PHIP: variants seen among roughly 807,000 people sequenced by gnomAD.
PHIP encodes PHIP subunit of CUL4-Ring ligase complex.
PHIP carries 54 observed loss-of-function variants against 236.8 expected under a neutral mutation model. The ratio of observed to expected loss-of-function variants is 0.23; its 90% CI spans 0.18 to 0.29. PHIP has a LOEUF of 0.29. Ranked by LOEUF, PHIP falls within the 10% of genes least tolerant of loss-of-function variation. PHIP has a pLI of 1.00. For synonymous variants in PHIP, 756 were observed against 718.9 expected, an observed-to-expected ratio of 1.05 and a Z score of -0.83; for missense variants, 1,370 against 2,190.8, an observed-to-expected ratio of 0.63 and a Z score of 7.48.
intron 23 of PHIP, among the ~76,000 whole-genome samples, chr6:78,980,789 A>G (rs1439161817): frequency 6.6e-6 from 1 of 152,044 alleles, no homozygotes; most frequent in Non-Finnish European, 1.5e-5. Flanking sequence ...AGTTTGTTTG[A>G]AAAAGGTTTC....
chr6:79,049,651 A>G (rs907614661), intron 6 of PHIP, among the ~76,000 whole-genome samples: 13 of 152,184 alleles, frequency 8.5e-5, no homozygotes, highest in Non-Finnish European at 1.9e-4. Flanking sequence ...TGAGTAACTT[A>G]AGAGTACATG....
At chr6:79,004,261 A>G in intron 15 of PHIP, 1 of 292,176 alleles carries the variant, frequency 3.4e-6, no homozygotes, top group Non-Finnish European at 5.1e-6. Context: ...GTAGCCAGAG[A>G]TCATTGCTCA....
chr6:78,961,371 C>G (rs1766763982), intron 31 of PHIP, among the ~76,000 whole-genome samples: 1 of 151,774 alleles, frequency 6.6e-6, no homozygotes. Flanking sequence ...AATACCTTGC[C>G]TTGCTTTATA....
At position 79,064,675 on chromosome 6, in the gene PHIP, C is replaced by T. The variant is rs764628227; in HGVS notation, c.190-3857G>A. ...CTTGCTTTCTTCCTCTCCAACCATT[C>T]CTTCTCATTTTTCTTTTAGGCTTAT... is the stretch of plus-strand genomic sequence containing the variant. On this transcript the variant is annotated intron_variant, in intron 4 of 39. Transcript: ENST00000275034. 3.9e-5 allele frequency among the ~76,000 whole-genome samples: 6 copies of T among 152,232 alleles called. No homozygotes were observed. In the Middle Eastern group the frequency reaches 0.01, roughly 259 times the overall value.
intron 15 of PHIP, among the ~76,000 whole-genome samples, chr6:79,005,661 T>C (rs1437893794): frequency 6.6e-6 from 1 of 152,006 alleles, no homozygotes; most frequent in Non-Finnish European, 1.5e-5. Context: ...CTAATAAATG[T>C]TTCCAGAAGT....
At chr6:78,985,263 A>T in intron 22 of PHIP, 89 bp downstream of exon 22, 1 of 744,058 alleles carries the variant, frequency 1.3e-6, no homozygotes. Context: ...GAACTTACAG[A>T]GACTTTGAAA....
chr6:79,026,707 C>T (rs1316643880), intron 7 of PHIP, among the ~76,000 whole-genome samples: 2 of 151,860 alleles, frequency 1.3e-5, no homozygotes, highest in African/African-American at 2.4e-5. Context: ...TACTTGTTTA[C>T]TCTGCCATAG....
Position 79,075,542 on chromosome 6 carries a change from G to C in PHIP, c.189+1906C>G, listed in dbSNP as rs1300280070. On this transcript the variant is annotated intron_variant, in intron 4 of 39. Transcript: ENST00000275034. ...TCTTAAATCTGCGATGCAGACTAGGGATAGAAATTCACTTTACTAATAATT... is the reference window on the plus strand; with the variant it reads ...TCTTAAATCTGCGATGCAGACTAGGCATAGAAATTCACTTTACTAATAATT... Among the ~76,000 whole-genome samples, 3 of 150,930 alleles carry C rather than the reference G, an allele frequency of 2.0e-5. 1 individual carries two copies. The highest frequency in any genetic ancestry group is 2.0e-4 in the Admixed American group (3 of 15,150).
At chr6:78,942,076 A>G (rs539103666) in intron 39 of PHIP, among the ~76,000 whole-genome samples, 29 of 152,298 alleles carry the variant, frequency 1.9e-4, no homozygotes, top group Non-Finnish European at 3.7e-4. Flanking sequence ...ATGGTAGGTG[A>G]TTTGCAATGC....
chr6:78,990,942 T>C lies in PHIP; in HGVS notation c.2245A>G (p.Lys749Glu). 6.2e-7 allele frequency: 1 copy of C among 1,612,040 alleles called. No individual in the cohort carries two copies. Among genetic ancestry groups the C allele is most frequent in the Non-Finnish European group, 8.5e-7 (1 of 1,178,504 alleles). ...CTTTTCTCTTCTGACCTGTAAGTCT[T>C]TATTTCTTCTTCTCCCTTTGCAGTT... is the stretch of plus-strand genomic sequence containing the variant. ...WRTAKGEEEI[K>E]TYRSEEKRKH... The change falls in exon 20 of 40, where the codon AAG becomes GAG. Residue 749 changes from lysine (K) to glutamate (E), a missense_variant. Physicochemically the swap from Lys to Glu is moderately conservative, Grantham distance 56. This residue lies in a region of PHIP where 99 missense variants were observed against 110.0 expected (regional missense o/e 0.90). Coordinates refer to ENST00000275034, the MANE Select transcript of PHIP (RefSeq NM_017934.7).
At chr6:78,960,318 G>A (rs1275683432) in intron 31 of PHIP, among the ~76,000 whole-genome samples, 3 of 152,102 alleles carry the variant, frequency 2.0e-5, no homozygotes, top group Non-Finnish European at 2.9e-5. Context: ...CCAACAATTA[G>A]TGTATGTATA....
chr6:79,014,354 A>T (rs574242152), intron 15 of PHIP, among the ~76,000 whole-genome samples: 8 of 151,856 alleles, frequency 5.3e-5, no homozygotes, highest in African/African-American at 1.9e-4. Flanking sequence ...TTGGTTTTTT[A>T]AAAAAATTTA....
chr6:79,053,111 C>G (rs529426357), intron 6 of PHIP, among the ~76,000 whole-genome samples: 1 of 152,006 alleles, frequency 6.6e-6, no homozygotes, highest in Admixed American at 6.6e-5. Flanking sequence ...GTCACGAGTT[C>G]GAGACCAGCC....
Position 79,053,362 on chromosome 6 carries a change from T to C in PHIP, c.439+7116A>G, listed in dbSNP as rs2127767295. Among the ~76,000 whole-genome samples the C allele has an allele frequency of 2.0e-5, 3 of 152,286 alleles. No homozygotes were observed. The Middle Eastern group carries it at 0.01, about 518-fold the overall frequency. ...ATGTAGGGTTATCTTAAAGAGTTGC[T>C]ATAGAAAACAGACGAGACAAAATGT... is the stretch of plus-strand genomic sequence containing the variant. On this transcript the variant is annotated intron_variant, in intron 6 of 39. Transcript: ENST00000275034.
chr6:78,977,997 T>C (rs748515789), intron 24 of PHIP, among the ~76,000 whole-genome samples: 1 of 152,162 alleles, frequency 6.6e-6, no homozygotes, highest in Non-Finnish European at 1.5e-5. Flanking sequence ...CTCTTAAAAT[T>C]TGTGTACAAA....
intron 15 of PHIP, among the ~76,000 whole-genome samples, chr6:79,008,191 A>C (rs1405005749): frequency 1.3e-5 from 2 of 151,670 alleles, no homozygotes; most frequent in East Asian, 1.9e-4. Flanking sequence ...CTCCGTCTAA[A>C]AAAAAAAAAA....
At position 79,025,460 on chromosome 6, in the gene PHIP, T is replaced by C. The variant is rs540203495; in HGVS notation, c.923+59A>G. ...TCCTATTGTCGACTACTTTATACTTTTGCAATTTCACTCATTAAACTAAAC... is the reference window on the plus strand; with the variant it reads ...TCCTATTGTCGACTACTTTATACTTCTGCAATTTCACTCATTAAACTAAAC... On this transcript the variant is annotated intron_variant, in intron 9 of 39. Transcript: ENST00000275034. 3.1e-4 allele frequency: 301 copies of C among 975,158 alleles called. 2 individuals carry two copies. The highest frequency in any genetic ancestry group is 2.5e-3 in the South Asian group (188 of 74,644). The allele number at this position is 975,158 out of a possible 1,614,324, so 60.4% of individuals were successfully genotyped here.
At chr6:78,981,233 G>A (rs963712885) in intron 23 of PHIP, among the ~76,000 whole-genome samples, 2 of 151,810 alleles carry the variant, frequency 1.3e-5, no homozygotes, top group Non-Finnish European at 1.5e-5. Context: ...GCTTCTAGGC[G>A]CAGCTCAAAT....
In PHIP at chr6:79,025,950, G is replaced by A; in HGVS notation, c.815C>T (p.Ser272Leu). 1 of 1,593,586 alleles carries A rather than the reference G, an allele frequency of 6.3e-7. No individual in the cohort carries two copies. The highest frequency in any genetic ancestry group is 2.2e-5 in the East Asian group (1 of 44,630). Residue 272 changes from serine to leucine, a missense_variant, in exon 8 of 40, where the codon TCA becomes TTA. Coordinates refer to ENST00000275034, the MANE Select transcript of PHIP (RefSeq NM_017934.7). The part of the protein sequence containing the change: ...VLQGHSASIT[S>L]LQFSPLCSGS... ...AGGGATTAAGACAATTACCTGTAGT[G>A]ATGTAATAGATGCACTATGGCCCTG... is the stretch of plus-strand genomic sequence containing the variant.
Sources: allele counts gnomAD v4.1 joint callset (sites outside exome capture counted in the v4.1 genomes callset), GRCh38; gene constraint gnomAD v4.1.1; regional missense constraint gnomAD v4.1.1; transcripts MANE v1.5; gene names NCBI Gene and HGNC (gene_info 2026-07-23, HGNC 2026-07-21).